The following PDE8B variants were observed in gnomAD, a reference collection of about 807,000 sequenced individuals.
PDE8B encodes the protein high affinity cAMP-specific and IBMX-insensitive 3',5'-cyclic phosphodiesterase 8B.
A neutral mutation model predicts 101.3 loss-of-function variants in PDE8B; 26 were observed. The ratio of observed to expected loss-of-function variants is 0.26; its 90% CI spans 0.19 to 0.36. PDE8B has a LOEUF of 0.36. Among genes scored for constraint, PDE8B ranks in the 10% least tolerant of loss-of-function variants. The probability of loss-of-function intolerance (pLI) is 1.00; values close to 1 mark genes in which losing one functional copy is unlikely to be tolerated. For synonymous variants in PDE8B, 424 were observed against 429.3 expected (o/e 0.99, Z 0.15); for missense variants, 810 against 1,163.1 (o/e 0.70, Z 4.42).
intron 10 of PDE8B, among the ~76,000 whole-genome samples, chr5:77,368,172 C>G (rs1378112578): frequency 3.3e-5 from 5 of 152,194 alleles, no homozygotes; most frequent in Admixed American, 2.6e-4. Flanking sequence ...CCTTTGGAAG[C>G]ATCTTCACTT....
At chr5:77,304,261 T>G (rs537658792) in intron 1 of PDE8B, among the ~76,000 whole-genome samples, 2 of 152,200 alleles carry the variant, frequency 1.3e-5, no homozygotes, top group Non-Finnish European at 2.9e-5. Context: ...AGTATCTCAT[T>G]GTAATTTAAA....
chr5:77,384,180 T>C (rs1788083261), intron 10 of PDE8B, among the ~76,000 whole-genome samples: 1 of 152,216 alleles, frequency 6.6e-6, no homozygotes, highest in South Asian at 2.1e-4. Context: ...TTTGTAGCTC[T>C]CCTTGAAAAG....
At chr5:77,284,587 C>G (rs767862518) in intron 1 of PDE8B, among the ~76,000 whole-genome samples, 4 of 152,168 alleles carry the variant, frequency 2.6e-5, no homozygotes, top group African/African-American at 9.7e-5. Flanking sequence ...AACTATCACA[C>G]AGGTTAAGCA....
At chr5:77,208,965 G>T (rs912438144), upstream of PDE8B, among the ~76,000 whole-genome samples, 1 of 152,126 alleles carries the variant, frequency 6.6e-6, no homozygotes, top group Non-Finnish European at 1.5e-5. Context: ...CTCTGCTCAA[G>T]CTTGCCTCCC....
chr5:77,121,259 G>A, the PDE8B span, among the ~76,000 whole-genome samples: 4 of 152,260 alleles, frequency 2.6e-5, no homozygotes, highest in Non-Finnish European at 5.9e-5. Context: ...GCAAGGTGGT[G>A]CATTACATGG....
chr5:77,204,979 G>A, the PDE8B span, among the ~76,000 whole-genome samples: 1 of 152,092 alleles, frequency 6.6e-6, no homozygotes, highest in Non-Finnish European at 1.5e-5. Flanking sequence ...AAGACTTTAG[G>A]AAATGAATGT....
intron 12 of PDE8B, 41 bp from the exon 13 acceptor site, chr5:77,407,340 A>C: frequency 6.5e-7 from 1 of 1,533,578 alleles, no homozygotes; most frequent in Non-Finnish European, 9.0e-7. Flanking sequence ...AGCCACACTG[A>C]GCCACCGGAA....
chr5:77,299,853 C>T (rs1179040439), intron 1 of PDE8B, among the ~76,000 whole-genome samples: 2 of 152,204 alleles, frequency 1.3e-5, no homozygotes, highest in East Asian at 3.9e-4. Context: ...GCCACACTGA[C>T]TTCCACAATG....
chr5:77,364,015 T>A (rs1783642401), intron 10 of PDE8B, among the ~76,000 whole-genome samples: 1 of 152,196 alleles, frequency 6.6e-6, no homozygotes, highest in African/African-American at 2.4e-5. Context: ...TGATGTGCCA[T>A]GGAAGGGAGT....
chr5:77,244,645 C>G (rs189510218), intron 1 of PDE8B, among the ~76,000 whole-genome samples: 5 of 151,444 alleles, frequency 3.3e-5, no homozygotes, highest in African/African-American at 1.2e-4. Context: ...TTTAAGTGCT[C>G]TCTCTCTCTC....
At chr5:77,375,889 C>CTTTCT (rs1785994780) in intron 10 of PDE8B, among the ~76,000 whole-genome samples, 1 of 108,316 alleles carries the variant, frequency 9.2e-6, no homozygotes, top group Non-Finnish European at 1.8e-5. Context: ...GCCTTGATTT[C>CTTTCT]TTTTTTTTTT....
intron 1 of PDE8B, among the ~76,000 whole-genome samples, chr5:77,226,526 T>C (rs1435014710): frequency 6.6e-6 from 1 of 152,324 alleles, no homozygotes; most frequent in Admixed American, 6.5e-5. Flanking sequence ...ATTTTTGCTA[T>C]TGTAATGGTG....
Position 77,214,128 on chromosome 5 carries a change from T to G in PDE8B, c.339+2864T>G, listed in dbSNP as rs918105508. The G allele has an allele frequency of 3.3e-5, 5 of 152,286 alleles. No homozygotes were observed. In the East Asian group the frequency reaches 9.7e-4, roughly 29 times the overall value. The allele number at this position is 152,286 out of a possible 1,614,324, so 9.4% of individuals were successfully genotyped here. On this transcript the variant is annotated intron_variant, in intron 1 of 21. Transcript: ENST00000264917. ...ATGTTCACTCTTGATATTGTGCCAG[T>G]TTTGTAATTCTTGTTCAGAAATCCT...
intron 1 of PDE8B, chr5:77,290,808 A>G: frequency 1.3e-6 from 2 of 1,493,134 alleles, no homozygotes; most frequent in South Asian, 1.1e-5. Context: ...CGCCATTGTC[A>G]TGATCTGTGG....
chr5:77,418,535 A>G, intron 18 of PDE8B, 89 bp downstream of exon 18: 1 of 883,072 alleles, frequency 1.1e-6, no homozygotes, highest in Admixed American at 2.0e-5. Context: ...GAAAGGGAAA[A>G]TATTAGCTGT....
chr5:77,148,574 G>T, the PDE8B span: 1 of 152,132 alleles, frequency 6.6e-6, no homozygotes, highest in Admixed American at 6.5e-5. Flanking sequence ...AACTATTTTA[G>T]TGGGGATGTA....
chr5:77,273,171 C>T (rs1199361068), intron 1 of PDE8B, among the ~76,000 whole-genome samples: 1 of 152,126 alleles, frequency 6.6e-6, no homozygotes, highest in Non-Finnish European at 1.5e-5. Flanking sequence ...CACTGAAGCC[C>T]TTGTCATCAC....
chr5:77,193,432 A>G, the PDE8B span, among the ~76,000 whole-genome samples: 2 of 152,188 alleles, frequency 1.3e-5, no homozygotes, highest in Non-Finnish European at 2.9e-5. Flanking sequence ...TGAAAAGACT[A>G]TACTTTCCAA....
chr5:77,169,433 C>A, the PDE8B span, among the ~76,000 whole-genome samples: 1 of 152,122 alleles, frequency 6.6e-6, no homozygotes, highest in Admixed American at 6.5e-5. Flanking sequence ...CTGAGGTGGA[C>A]CCCAAGAATT....
Sources: allele counts gnomAD v4.1 joint callset (sites outside exome capture counted in the v4.1 genomes callset), GRCh38; gene constraint gnomAD v4.1.1; transcripts MANE v1.5; gene names NCBI Gene and HGNC (gene_info 2026-07-23, HGNC 2026-07-21).